Variants in UNC13B observed in about 807,000 individuals in gnomAD.
UNC13B encodes the protein protein unc-13 homolog B.
In UNC13B, 144 loss-of-function variants were observed where a neutral mutation model predicts 211.0. The observed-to-expected ratio is 0.68, with a 90% CI of 0.60 to 0.78. The LOEUF is 0.78. Among genes scored for constraint, UNC13B ranks in the 30% least tolerant of loss-of-function variants. The probability of loss-of-function intolerance (pLI) is 0.00; values close to 1 mark genes in which losing one functional copy is unlikely to be tolerated. For missense variants in UNC13B, 1,777 were observed against 2,002.0 expected (o/e 0.89, Z 2.14); for synonymous variants, 709 against 725.8 (o/e 0.98, Z 0.37).
chr9:35,193,704 T>C (rs919854810), intron 1 of UNC13B, among the ~76,000 whole-genome samples: 3 of 152,020 alleles, frequency 2.0e-5, no homozygotes, highest in African/African-American at 4.8e-5. Flanking sequence ...AATGGCTGTT[T>C]TCCTGTTGAT....
intron 7 of UNC13B, among the ~76,000 whole-genome samples, chr9:35,294,329 C>A (rs1226859892): frequency 6.7e-6 from 1 of 150,142 alleles, no homozygotes; most frequent in Non-Finnish European, 1.5e-5. Context: ...TTTTTTGAGA[C>A]GGAGCCTTGC....
At chr9:35,180,356 AG>A (rs1821867107) in intron 1 of UNC13B, among the ~76,000 whole-genome samples, 1 of 152,218 alleles carries the variant, frequency 6.6e-6, no homozygotes, top group African/African-American at 2.4e-5. Context: ...GTGGAAGCCT[AG>A]CAGTGATATC....
At position 35,397,320 on chromosome 9, in the gene UNC13B, A is replaced by T. The variant is rs964350908; in HGVS notation, c.11676+10A>T. On this transcript the variant is annotated intron_variant, in intron 29 of 39. Coordinates refer to ENST00000635942, the MANE Select transcript of UNC13B (RefSeq NM_001371189.2). ...GAGGAGGTTTGCTAAGGTGACCATA[A>T]CTCTTCCTACTCCCTCCCCCTTACC... The T allele has an allele frequency of 5.0e-6, 8 of 1,611,864 alleles. No homozygotes were observed. In the African/African-American group the frequency reaches 1.1e-4, roughly 22 times the overall value.
chr9:35,328,648 C>G (rs960466206), intron 11 of UNC13B, among the ~76,000 whole-genome samples: 1 of 114,492 alleles, frequency 8.7e-6, no homozygotes, highest in Non-Finnish European at 1.7e-5. Context: ...TCCTTCCTTC[C>G]TTCCTTCCTT....
At chr9:35,236,971 G>T (rs762579388) in intron 4 of UNC13B, among the ~76,000 whole-genome samples, 2 of 152,110 alleles carry the variant, frequency 1.3e-5, no homozygotes, top group African/African-American at 2.4e-5. Context: ...GCTATTCTCT[G>T]CTTTGTTTCT....
In UNC13B at chr9:35,400,437, A is replaced by G. The variant is rs866468523; in HGVS notation, c.12478A>G (p.Thr4160Ala). ...LIKTFVRSQT[T>A]QGSGVDDPVG... ...CAAGACCTTTGTGCGCTCGCAGACCACCCAAGGTAAGGCCCTGAGGGCTTT... is the reference window on the plus strand; with the variant it reads ...CAAGACCTTTGTGCGCTCGCAGACCGCCCAAGGTAAGGCCCTGAGGGCTTT... The change falls in exon 37 of 40, where the codon ACC becomes GCC. Residue 4160 changes from threonine to alanine, a missense_variant. Physicochemically the swap from Thr to Ala is moderately conservative, Grantham distance 58. Coordinates refer to ENST00000635942, the MANE Select transcript of UNC13B (RefSeq NM_001371189.2). The G allele has an allele frequency of 5.6e-6, 9 of 1,612,864 alleles. No homozygotes were observed. Among genetic ancestry groups the G allele is most frequent in the Non-Finnish European group, 6.8e-6 (8 of 1,179,440 alleles).
In UNC13B at chr9:35,305,256, A is replaced by G. The variant is rs1829867518; in HGVS notation, c.5852A>G (p.Lys1951Arg). The G allele has an allele frequency of 5.0e-6, 2 of 398,970 alleles. No homozygotes were observed. The allele number at this position is 398,970 out of a possible 1,614,324, so 24.7% of individuals were successfully genotyped here. Residue 1951 changes from lysine to arginine, a missense_variant, in exon 9 of 40, where the codon AAA becomes AGA. Physicochemically the swap from Lys to Arg is conservative, Grantham distance 26 (BLOSUM62 2). Coordinates refer to ENST00000635942, the MANE Select transcript of UNC13B (RefSeq NM_001371189.2). ...AATCTTTTTAAGACTCAGGTGAATA[A>G]AGAAGGATCACCAAACTTAGAAAAG... Reference protein sequence around the residue: ...FLNLFKTQVNKEGSPNLEKIG... With the variant: ...FLNLFKTQVNREGSPNLEKIG...
chr9:35,327,178 A>G (rs1831065812), intron 11 of UNC13B, among the ~76,000 whole-genome samples: 1 of 152,208 alleles, frequency 6.6e-6, no homozygotes, highest in Non-Finnish European at 1.5e-5. Flanking sequence ...GTGTGGAAGT[A>G]GCTTGCCTAG....
rs538801663 is a variant in UNC13B at position 35,206,472 on chromosome 9, A to C, written c.23-21543A>C. Reference sequence around the variant, plus strand: ...TTATGTCATCTAAAAGGTATCATATAATTTATGGTCCTTGTGACTGGCTTT... The same window carrying C: ...TTATGTCATCTAAAAGGTATCATATCATTTATGGTCCTTGTGACTGGCTTT... On this transcript the variant is annotated intron_variant, in intron 1 of 39. Transcript: ENST00000635942. Among the ~76,000 whole-genome samples, 18 of 152,316 alleles carry C rather than the reference A, an allele frequency of 1.2e-4. No individual in the cohort carries two copies. In the East Asian group the frequency reaches 3.1e-3, roughly 26 times the overall value.
intron 1 of UNC13B, among the ~76,000 whole-genome samples, chr9:35,198,781 C>A (rs886861401): frequency 1.3e-5 from 2 of 152,112 alleles, no homozygotes; most frequent in Admixed American, 6.5e-5. Context: ...TTACTGGGAA[C>A]TGGAGCAAAG....
chr9:35,331,411 C>A (rs757031212), intron 11 of UNC13B, among the ~76,000 whole-genome samples: 16 of 152,110 alleles, frequency 1.1e-4, no homozygotes, highest in Non-Finnish European at 2.1e-4. Flanking sequence ...CCACACCCGG[C>A]TAAATTTGTA....
chr9:35,229,739 A>T (rs963967393), intron 2 of UNC13B, among the ~76,000 whole-genome samples: 23 of 152,168 alleles, frequency 1.5e-4, no homozygotes, highest in Admixed American at 1.4e-3. Context: ...ATGGGCTTTT[A>T]TCCTCATATA....
rs140977905 is a variant in UNC13B at position 35,181,414 on chromosome 9, T to C, written c.22+19109T>C. ...TTATTGACATATAGTAACTGAGATATGACCTGAAATTTATTTAATCTATTT... is the reference window on the plus strand; with the variant it reads ...TTATTGACATATAGTAACTGAGATACGACCTGAAATTTATTTAATCTATTT... On this transcript the variant is annotated intron_variant, in intron 1 of 39. Transcript: ENST00000635942. Among the ~76,000 whole-genome samples the C allele has an allele frequency of 7.5e-4, 114 of 152,356 alleles. 2 individuals are homozygous for C. The East Asian group carries it at 0.021, about 28-fold the overall frequency.
At chr9:35,381,357 G>A (rs756920183) in intron 19 of UNC13B, 142 bp downstream of exon 19, 19 of 974,506 alleles carry the variant, frequency 1.9e-5, no homozygotes, top group African/African-American at 6.6e-5. Flanking sequence ...TGGAGAGTCC[G>A]AGTGACTGAA....
In UNC13B at chr9:35,303,930, A is replaced by G. The variant is rs1829804478; in HGVS notation, c.4526A>G (p.Tyr1509Cys). ...NFVFSSFGYE[Y>C]QEWLSCLEHG... ...GTTTTTTCAAGTTTTGGTTATGAGT[A>G]CCAGGAATGGTTGTCATGTCTTGAA... The change falls in exon 9 of 40, where the codon TAC becomes TGC. Residue 1509 changes from tyrosine to cysteine, a missense_variant. Physicochemically the swap from Tyr to Cys is radical, Grantham distance 194. Coordinates refer to ENST00000635942, the MANE Select transcript of UNC13B (RefSeq NM_001371189.2). 2.5e-6 allele frequency: 1 copy of G among 398,830 alleles called. No individual in the cohort carries two copies. Among genetic ancestry groups the G allele is most frequent in the Non-Finnish European group, 4.4e-6 (1 of 225,884 alleles). The allele number at this position is 398,830 out of a possible 1,614,324, so 24.7% of individuals were successfully genotyped here. A position where few individuals can be genotyped will look rare whatever the true frequency, so the allele number is the denominator to read the frequency against.
rs373528248 is a variant in UNC13B at position 35,377,609 on chromosome 9, A to T, written c.9977A>T (p.Lys3326Ile). ...EVIRDVFTVNKAAHVQQMKTV... is the reference protein window; with the variant it reads ...EVIRDVFTVNIAAHVQQMKTV... ...ATCCGGGACGTCTTCACAGTGAACA[A>T]AGCTGCCCATGTGCAGCAGATGAAA... The change falls in exon 16 of 40, where the codon AAA becomes ATA. Residue 3326 changes from lysine to isoleucine, a missense_variant. By Grantham distance (102) the Lys-to-Ile change is moderately radical. Transcript: ENST00000635942. The T allele has an allele frequency of 2.5e-6, 4 of 1,614,208 alleles. No homozygotes were observed. Among genetic ancestry groups the T allele is most frequent in the Non-Finnish European group, 3.4e-6 (4 of 1,180,034 alleles).
At chr9:35,220,303 A>G (rs976681600) in intron 1 of UNC13B, among the ~76,000 whole-genome samples, 7 of 151,476 alleles carry the variant, frequency 4.6e-5, no homozygotes, top group Admixed American at 2.0e-4. Flanking sequence ...CTAATTATAT[A>G]CTCTTAGTTA....
In UNC13B at chr9:35,380,529, T is replaced by C; in HGVS notation, c.10265T>C (p.Ile3422Thr). The change falls in exon 18 of 40, where the codon ATC becomes ACC. Residue 3422 changes from isoleucine to threonine, a missense_variant. Physicochemically the swap from Ile to Thr is moderately conservative, Grantham distance 89. Transcript: ENST00000635942. ...KVRVWDEDDD[I>T]KSRVKQRLKR... ...CGTGTATGGGATGAGGATGATGACA[T>C]CAAGTCAAGAGTAAAGCAACGCCTA... 6.2e-7 allele frequency: 1 copy of C among 1,614,168 alleles called. No individual in the cohort carries two copies. The highest frequency in any genetic ancestry group is 8.5e-7 in the Non-Finnish European group (1 of 1,180,024).
rs181166188 is a variant in UNC13B at position 35,304,421 on chromosome 9, G to C, written c.5017G>C (p.Ala1673Pro). ...FKERPCGSED[A>P]ECTLDLRNQP... Reference sequence around the variant, plus strand: ...AGAAAGGCCGTGTGGTTCTGAAGACGCTGAATGTACATTAGATCTCAGAAA... The same window carrying C: ...AGAAAGGCCGTGTGGTTCTGAAGACCCTGAATGTACATTAGATCTCAGAAA... The change falls in exon 9 of 40, where the codon GCT becomes CCT. Residue 1673 changes from alanine to proline, a missense_variant. Transcript: ENST00000635942. 5.0e-6 allele frequency: 2 copies of C among 398,594 alleles called. No individual in the cohort carries two copies. The highest frequency in any genetic ancestry group is 4.4e-5 in the Admixed American group (1 of 22,702). The allele number at this position is 398,594 out of a possible 1,614,324, so 24.7% of individuals were successfully genotyped here.
Sources: gnomAD v4.1 joint callset for allele counts (sites outside exome capture counted in the v4.1 genomes callset) on GRCh38, gnomAD v4.1.1 for gene constraint, MANE v1.5 for transcripts, NCBI Gene and HGNC (gene_info 2026-07-23, HGNC 2026-07-21) for gene names.